Variants in HEPHL1 observed in about 807,000 individuals in gnomAD.
HEPHL1 encodes the protein hephaestin like 1.
HEPHL1 carries 123 observed loss-of-function variants against 122.0 expected under a neutral mutation model. That is an observed-to-expected ratio of 1.01 (90% CI 0.87 to 1.17). The LOEUF (loss-of-function observed/expected upper bound fraction) is 1.17. Ranked by LOEUF, HEPHL1 falls within the 50% of genes most tolerant of loss-of-function variation. The pLI is 0.00. For synonymous variants in HEPHL1, 527 were observed against 508.9 expected, an observed-to-expected ratio of 1.04 and a Z score of -0.48; for missense variants, 1,452 against 1,430.5, an observed-to-expected ratio of 1.01 and a Z score of -0.24.
intron 2 of HEPHL1, among the ~76,000 whole-genome samples, chr11:94,053,560 GT>G (rs201795982): frequency 6.6e-6 from 1 of 151,430 alleles, no homozygotes; most frequent in African/African-American, 2.4e-5. Context: ...TGATTTGAGA[GT>G]TTTTTTTAAC....
intron 17 of HEPHL1, among the ~76,000 whole-genome samples, chr11:94,107,664 G>C (rs989229596): frequency 2.0e-5 from 3 of 152,118 alleles, no homozygotes; most frequent in African/African-American, 7.2e-5. Flanking sequence ...AATCTGGCTT[G>C]TTTGATTTAA....
At chr11:94,096,332 G>C (rs979772076) in intron 13 of HEPHL1, among the ~76,000 whole-genome samples, 11 of 152,138 alleles carry the variant, frequency 7.2e-5, no homozygotes, top group Non-Finnish European at 1.3e-4. Context: ...TTATTGATTT[G>C]CATTATGTTG....
At chr11:94,070,651 G>A in intron 6 of HEPHL1, 109 bp downstream of exon 6, 2 of 823,814 alleles carry the variant, frequency 2.4e-6, no homozygotes, top group Non-Finnish European at 3.8e-6. Context: ...AGCTTATACT[G>A]CATAGATGGC....
chr11:94,094,007 T>TAC (rs1946286717), intron 13 of HEPHL1, among the ~76,000 whole-genome samples: 1 of 115,952 alleles, frequency 8.6e-6, no homozygotes, highest in African/African-American at 3.9e-5. Context: ...TATATATATA[T>TAC]ATATATAAAA....
chr11:94,058,878 CT>C (rs1015852876), intron 2 of HEPHL1, among the ~76,000 whole-genome samples: 25 of 151,912 alleles, frequency 1.6e-4, no homozygotes, highest in Non-Finnish European at 2.1e-4. Flanking sequence ...CTGGTTTTTG[CT>C]TTAATATAAA....
intron 13 of HEPHL1, among the ~76,000 whole-genome samples, chr11:94,096,877 T>C (rs534445440): frequency 1.7e-4 from 26 of 152,312 alleles, no homozygotes; most frequent in African/African-American, 6.3e-4. Flanking sequence ...CCCTTTATCA[T>C]TTTTTATTGC....
intron 12 of HEPHL1, among the ~76,000 whole-genome samples, chr11:94,093,130 GA>G (rs1946274860): frequency 6.9e-6 from 1 of 144,174 alleles, no homozygotes; most frequent in Non-Finnish European, 1.5e-5. Flanking sequence ...GTGTGTGTGT[GA>G]TGACACACAC....
At chr11:94,071,307 A>G (rs1208803090) in intron 6 of HEPHL1, among the ~76,000 whole-genome samples, 2 of 149,224 alleles carry the variant, frequency 1.3e-5, no homozygotes, top group African/African-American at 4.9e-5. Context: ...TCAATAAAAC[A>G]TCATTTGTTT....
intron 8 of HEPHL1, among the ~76,000 whole-genome samples, chr11:94,074,582 T>C (rs748475589): frequency 1.3e-5 from 2 of 152,132 alleles, no homozygotes; most frequent in African/African-American, 2.4e-5. Flanking sequence ...TGGCCTTGTC[T>C]AGTAGGAAAG....
intron 12 of HEPHL1, among the ~76,000 whole-genome samples, chr11:94,091,917 G>C (rs1245275762): frequency 6.6e-6 from 1 of 152,224 alleles, no homozygotes; most frequent in Non-Finnish European, 1.5e-5. Context: ...AGGGGCTAGT[G>C]ATGGGAAATG....
chr11:94,021,643 C>G (rs1945583331), intron 1 of HEPHL1, 105 bp downstream of exon 1: 2 of 866,260 alleles, frequency 2.3e-6, no homozygotes, highest in South Asian at 3.4e-5. Flanking sequence ...GTGAGTTGAT[C>G]TAGACCAAGA....
Position 94,101,190 on chromosome 11 carries a change from T to C in HEPHL1, c.2435-5T>C. 6.2e-7 allele frequency: 1 copy of C among 1,613,808 alleles called. No homozygotes were observed. The highest frequency in any genetic ancestry group is 1.3e-5 in the African/African-American group (1 of 75,068). On this transcript the variant is annotated splice_polypyrimidine_tract_variant and splice_region_variant and intron_variant, in intron 13 of 19. Coordinates refer to ENST00000315765, the MANE Select transcript of HEPHL1 (RefSeq NM_001098672.2). Reference sequence around the variant, plus strand: ...AATGCACACAGGCCTGTGTTTTGCCTTTAGGCCCAATGATTCATGCTGAGG... The same window carrying C: ...AATGCACACAGGCCTGTGTTTTGCCCTTAGGCCCAATGATTCATGCTGAGG...
intron 1 of HEPHL1, among the ~76,000 whole-genome samples, chr11:94,042,882 A>AAAAAAAAAAAAAAAAACAAAC (rs1449884226): frequency 7.3e-6 from 1 of 136,838 alleles, no homozygotes; most frequent in African/African-American, 2.8e-5. Flanking sequence ...TAATAAAAAA[A>AAAAAAAAAAAAAAAAACAAAC]AAAAAAAAAA....
chr11:94,070,850 A>G (rs1194388532), intron 6 of HEPHL1, among the ~76,000 whole-genome samples: 2 of 152,156 alleles, frequency 1.3e-5, no homozygotes, highest in Non-Finnish European at 2.9e-5. Context: ...CTAAGCTGAC[A>G]AAGAATAGAG....
At chr11:94,063,012 C>A (rs1048446522) in intron 2 of HEPHL1, among the ~76,000 whole-genome samples, 3 of 152,132 alleles carry the variant, frequency 2.0e-5, no homozygotes, top group African/African-American at 7.2e-5. Flanking sequence ...CTAGTCTGCC[C>A]AACAGAACTA....
chr11:94,114,024 G>A lies in HEPHL1; in HGVS notation c.*2130G>A, dbSNP rs972276742. 6.6e-6 allele frequency among the ~76,000 whole-genome samples: 1 copy of A among 152,016 alleles called. No homozygotes were observed. The highest frequency in any genetic ancestry group is 6.6e-5 in the Admixed American group (1 of 15,264). On this transcript the variant is annotated 3_prime_UTR_variant, in exon 20 of 20. Transcript: ENST00000315765. ...CATATTTCTTCCTATTACAATACACGTGTCCCTGCTCCTAGCAGGACAGTC... is the reference window on the plus strand; with the variant it reads ...CATATTTCTTCCTATTACAATACACATGTCCCTGCTCCTAGCAGGACAGTC...
chr11:94,036,376 T>C (rs539467550), intron 1 of HEPHL1, among the ~76,000 whole-genome samples: 62 of 152,110 alleles, frequency 4.1e-4, no homozygotes, highest in Non-Finnish European at 8.2e-4. Flanking sequence ...GATTCTGACT[T>C]GGAGAAGGGA....
rs1945740149 is a variant in HEPHL1 at position 94,037,794 on chromosome 11, ACT to A, written c.171-7876_171-7875del. ...AAAAAACAGAACAGAAAAACTGGAA[ACT>A]CTAAAACGCAGAGCGCCTCTCCTCC... On this transcript the variant is annotated intron_variant, in intron 1 of 19. Coordinates refer to ENST00000315765, the MANE Select transcript of HEPHL1 (RefSeq NM_001098672.2). Among the ~76,000 whole-genome samples the A allele has an allele frequency of 3.3e-5, 5 of 151,872 alleles. No individual in the cohort carries two copies. In the South Asian group the frequency reaches 1.0e-3, roughly 32 times the overall value.
chr11:94,097,482 A>G (rs975695890), intron 13 of HEPHL1, among the ~76,000 whole-genome samples: 1 of 152,194 alleles, frequency 6.6e-6, no homozygotes, highest in Non-Finnish European at 1.5e-5. Flanking sequence ...GCTGAGAAGA[A>G]TGTTTATTCT....
Sources: gnomAD v4.1 joint callset for allele counts (sites outside exome capture counted in the v4.1 genomes callset) on GRCh38, gnomAD v4.1.1 for gene constraint, MANE v1.5 for transcripts, NCBI Gene and HGNC (gene_info 2026-07-23, HGNC 2026-07-21) for gene names.